The following MKRN1 variants were observed in gnomAD, a reference collection of about 807,000 sequenced individuals.
MKRN1 encodes the protein makorin ring finger protein 1, also known as E3 ubiquitin-protein ligase makorin-1.
MKRN1 carries 9 observed loss-of-function variants against 55.5 expected under a neutral mutation model. The ratio of observed to expected loss-of-function variants is 0.16; its 90% CI spans 0.10 to 0.28. The LOEUF is 0.28. MKRN1 is among the 10% of genes least tolerant of loss of function. MKRN1 has a pLI of 1.00. For missense variants in MKRN1, 488 were observed against 626.7 expected, an observed-to-expected ratio of 0.78 and a Z score of 2.36; for synonymous variants, 253 against 235.9, an observed-to-expected ratio of 1.07 and a Z score of -0.66.
At chr7:140,476,320 T>C (rs1795114918) in intron 1 of MKRN1, among the ~76,000 whole-genome samples, 1 of 151,898 alleles carries the variant, frequency 6.6e-6, no homozygotes, top group South Asian at 2.1e-4. Flanking sequence ...AATAAGGTAG[T>C]TCCAGAAAAA....
At chr7:140,462,907 G>T (rs942625773) in intron 2 of MKRN1, among the ~76,000 whole-genome samples, 1 of 152,092 alleles carries the variant, frequency 6.6e-6, no homozygotes, top group Non-Finnish European at 1.5e-5. Flanking sequence ...CGGATGTTGC[G>T]GTGAGCCAAG....
chr7:140,472,091 T>C, intron 1 of MKRN1, 80 bp from the exon 2 acceptor site: 1 of 1,546,828 alleles, frequency 6.5e-7, no homozygotes, highest in Non-Finnish European at 8.9e-7. Flanking sequence ...ATGACTAATA[T>C]ATTCAACCAG....
chr7:140,455,605 G>A (rs1031683209), intron 6 of MKRN1, 185 bp downstream of exon 6: 13 of 584,946 alleles, frequency 2.2e-5, no homozygotes, highest in Non-Finnish European at 3.6e-5. Flanking sequence ...CCTTGGCATG[G>A]ACCCCAAGGA....
chr7:140,461,755 G>A (rs773084739), intron 2 of MKRN1, among the ~76,000 whole-genome samples: 5 of 152,210 alleles, frequency 3.3e-5, no homozygotes, highest in East Asian at 3.9e-4. Flanking sequence ...AGGGTGAGGC[G>A]GGTGGATCAC....
chr7:140,471,872 C>G lies in MKRN1; in HGVS notation c.314+11G>C. On this transcript the variant is annotated intron_variant, in intron 2 of 7. Transcript: ENST00000255977. ...ACCCACCCCTGAACAAATTTATAAA[C>G]AAATTCTTACCTGCAGCGGTCTCCA... The G allele has an allele frequency of 3.1e-6, 5 of 1,610,924 alleles. No homozygotes were observed. The highest frequency in any genetic ancestry group is 4.2e-6 in the Non-Finnish European group (5 of 1,179,054).
rs1408073121 is a variant in MKRN1, at chr7:140,459,196, T to C, written c.582A>G (p.Ser194=). The C allele has an allele frequency of 2.5e-6, 4 of 1,613,840 alleles. No homozygotes were observed. Among genetic ancestry groups the C allele is most frequent in the Non-Finnish European group, 3.4e-6 (4 of 1,179,866 alleles). ...CTTTCTCTGATTCTTCCTTGGTCAC[T>C]GAGCCCTGCAGGGGTGCTTCAGTGC... The part of the protein sequence containing the change: ...PSCTEAPLQG[S]VTKEESEKEQ... Residue 194 remains serine, a synonymous_variant, in exon 4 of 8, where the codon TCA becomes TCG. Coordinates refer to ENST00000255977, the MANE Select transcript of MKRN1 (RefSeq NM_013446.4).
At chr7:140,474,503 T>A (rs1056606133) in intron 1 of MKRN1, 41 of 297,948 alleles carry the variant, frequency 1.4e-4, no homozygotes, top group South Asian at 5.1e-4. Context: ...AAAAAAAAAA[T>A]AAATAAATAA....
intron 1 of MKRN1, among the ~76,000 whole-genome samples, chr7:140,477,749 C>T (rs1200577279): frequency 2.0e-5 from 3 of 152,220 alleles, no homozygotes; most frequent in Non-Finnish European, 2.9e-5. Flanking sequence ...TGAGCCACCA[C>T]GCCGACCTAG....
chr7:140,455,678 G>T, intron 6 of MKRN1, 112 bp downstream of exon 6: 1 of 824,954 alleles, frequency 1.2e-6, no homozygotes, highest in Non-Finnish European at 2.0e-6. Context: ...GTCCTGGGAA[G>T]TCAAAGAAGG....
At chr7:140,467,546 G>A (rs950340324) in intron 2 of MKRN1, among the ~76,000 whole-genome samples, 34 of 152,070 alleles carry the variant, frequency 2.2e-4, no homozygotes, top group African/African-American at 7.7e-4. Context: ...CCAAAAGCGC[G>A]GGGATGACAG....
chr7:140,465,473 A>C (rs925437815), intron 2 of MKRN1, among the ~76,000 whole-genome samples: 1 of 151,676 alleles, frequency 6.6e-6, no homozygotes, highest in African/African-American at 2.4e-5. Context: ...ACTCCATCTA[A>C]AAAAAAAGAA....
At chr7:140,459,297 A>G in intron 3 of MKRN1, 64 bp from the exon 4 acceptor site, 3 of 1,506,590 alleles carry the variant, frequency 2.0e-6, no homozygotes, top group Non-Finnish European at 2.7e-6. Flanking sequence ...AAGAGAACTG[A>G]GAATCTAACC....
intron 1 of MKRN1, 163 bp downstream of exon 1, chr7:140,478,997 G>A: frequency 1.2e-6 from 1 of 864,230 alleles, no homozygotes; most frequent in Non-Finnish European, 1.5e-6. Flanking sequence ...CTGGGGGAAC[G>A]CGGCGGCAGC....
chr7:140,461,567 G>A (rs530751585), intron 2 of MKRN1, among the ~76,000 whole-genome samples: 1 of 152,152 alleles, frequency 6.6e-6, no homozygotes, highest in East Asian at 1.9e-4. Context: ...CATGGGAGGT[G>A]GAGGGTGCAG....
intron 4 of MKRN1, 103 bp downstream of exon 4, chr7:140,458,904 A>C (rs1794539988): frequency 8.0e-7 from 1 of 1,246,370 alleles, no homozygotes; most frequent in Non-Finnish European, 1.1e-6. Flanking sequence ...ACTGATAACC[A>C]TTCAATTCAT....
At chr7:140,471,369 C>T (rs1794919625) in intron 2 of MKRN1, among the ~76,000 whole-genome samples, 1 of 151,864 alleles carries the variant, frequency 6.6e-6, no homozygotes, top group African/African-American at 2.4e-5. Flanking sequence ...ACAGTAAGAC[C>T]CTGTCTCAAA....
At chr7:140,473,392 T>C in intron 1 of MKRN1, 1 of 360,210 alleles carries the variant, frequency 2.8e-6, no homozygotes, top group South Asian at 2.1e-5. Flanking sequence ...CTTAGAAACC[T>C]AATAGTGGCC....
intron 1 of MKRN1, chr7:140,473,227 A>G (rs183457410): frequency 2.3e-6 from 1 of 429,970 alleles, no homozygotes; most frequent in South Asian, 1.7e-5. Context: ...AAAAAAAAAA[A>G]CATCATCCAG....
At chr7:140,456,968 G>T (rs1794483172) in intron 4 of MKRN1, 102 bp from the exon 5 acceptor site, 1 of 1,176,848 alleles carries the variant, frequency 8.5e-7, no homozygotes, top group Admixed American at 2.5e-5. Context: ...ATAGTCAACT[G>T]AAAAAACAAT....
Sources: gnomAD v4.1 joint callset for allele counts (sites outside exome capture counted in the v4.1 genomes callset) on GRCh38, gnomAD v4.1.1 for gene constraint, MANE v1.5 for transcripts, NCBI Gene and HGNC (gene_info 2026-07-23, HGNC 2026-07-21) for gene names.